The following OR52I2 variants were observed in gnomAD, a reference collection of about 807,000 sequenced individuals.
OR52I2 encodes olfactory receptor 52I2.
For missense variants in OR52I2, 350 were observed against 402.4 expected, an observed-to-expected ratio of 0.87 and a Z score of 1.11; for synonymous variants, 147 against 151.9, an observed-to-expected ratio of 0.97 and a Z score of 0.24.
exon 2 of OR52I2, chr11:4,589,645 G>C (rs180836518): frequency 6.6e-6 from 1 of 152,264 alleles, no homozygotes; most frequent in African/African-American, 2.4e-5. Flanking sequence ...TGAAAGCAGA[G>C]AGGAAGGGGT....
At chr11:4,590,405 A>G (rs974330872) in exon 2 of OR52I2, 1 of 152,224 alleles carries the variant, frequency 6.6e-6, no homozygotes, top group Admixed American at 6.5e-5. Flanking sequence ...ATTTGTAGAA[A>G]GAAACAACTA....
chr11:4,593,032 T>G (rs1007632046), exon 2 of OR52I2: 1 of 152,226 alleles, frequency 6.6e-6, no homozygotes, highest in Non-Finnish European at 1.5e-5. Flanking sequence ...ACAAACTGTG[T>G]TGTATGGAAT....
At chr11:4,582,780 C>A (rs74633842) in intron 1 of OR52I2, among the ~76,000 whole-genome samples, 1 of 151,958 alleles carries the variant, frequency 6.6e-6, no homozygotes, top group Non-Finnish European at 1.5e-5. Flanking sequence ...CAGATCTGCA[C>A]GTGAATGTTT....
At chr11:4,587,135 T>C in exon 2 of OR52I2, 2 of 1,614,184 alleles carry the variant, frequency 1.2e-6, no homozygotes, top group Non-Finnish European at 1.7e-6. Flanking sequence ...TCCTCGGTGG[T>C]ACCCAAGATG....
chr11:4,590,144 T>C (rs1313935042), exon 2 of OR52I2: 1 of 152,210 alleles, frequency 6.6e-6, no homozygotes, highest in Non-Finnish European at 1.5e-5. Flanking sequence ...CCTATGTAGG[T>C]GTGTTCATGT....
At chr11:4,589,275 G>GA in exon 2 of OR52I2, 1 of 152,370 alleles carries the variant, frequency 6.6e-6, no homozygotes, top group South Asian at 2.1e-4. Context: ...GAAGTCTTTG[G>GA]AAAGGACAAT....
chr11:4,587,638 G>C, exon 2 of OR52I2: 1 of 1,614,104 alleles, frequency 6.2e-7, no homozygotes, highest in Non-Finnish European at 8.5e-7. Flanking sequence ...CTCCCATGTG[G>C]GGGTTATGGC....
At chr11:4,581,963 A>G (rs1481502013) in intron 1 of OR52I2, 99 bp downstream of exon 1, 1 of 152,264 alleles carries the variant, frequency 6.6e-6, no homozygotes, top group Non-Finnish European at 1.5e-5. Context: ...AATGAAAGTT[A>G]TAAGGCCTCA....
At chr11:4,586,528 A>G (rs1032202575) in intron 1 of OR52I2, among the ~76,000 whole-genome samples, 2 of 152,214 alleles carry the variant, frequency 1.3e-5, no homozygotes, top group Non-Finnish European at 2.9e-5. Flanking sequence ...TGCACACAAT[A>G]AAGTCTAGGG....
Position 4,587,647 on chromosome 11 carries a change from G to A in OR52I2, c.757G>A (p.Ala253Thr), listed in dbSNP as rs776138086. ...ATGTGGCTCCCATGTGGGGGTTATG[G>A]CTTTGTACTATCTACCTGGGATGGC... Residue 253 changes from alanine (A) to threonine (T), a missense_variant, in exon 2 of 2, where the codon GCT becomes ACT. Transcript: ENST00000641896. The A allele has an allele frequency of 5.6e-5, 90 of 1,614,130 alleles. 1 individual carries two copies. The South Asian group carries it at 8.1e-4, about 15-fold the overall frequency.
At chr11:4,587,573 C>T in exon 2 of OR52I2, 1 of 1,614,070 alleles carries the variant, frequency 6.2e-7, no homozygotes, top group South Asian at 1.1e-5. Context: ...ATTCTCAAGG[C>T]AGTATTTGGT....
rs1202562393 is a variant in OR52I2, at chr11:4,586,063, T to C, written c.-19-809T>C. On this transcript the variant is annotated intron_variant, in intron 1 of 1. Transcript: ENST00000641896. ...TGGGTAAAGTTCATCTATAAGGTAG[T>C]CCCAAGGTTTTCTTTGTAGTATTTT... Among the ~76,000 whole-genome samples the C allele has an allele frequency of 4.6e-5, 7 of 152,334 alleles. No homozygotes were observed. In the East Asian group the frequency reaches 9.6e-4, roughly 21 times the overall value.
At chr11:4,586,764 C>A in intron 1 of OR52I2, 108 bp from the exon 2 acceptor site, 1 of 1,523,282 alleles carries the variant, frequency 6.6e-7, no homozygotes, top group Non-Finnish European at 9.0e-7. Context: ...ATTTTTGATC[C>A]TGAGATTACC....
At chr11:4,592,725 C>T (rs1424557242) in exon 2 of OR52I2, 1 of 152,090 alleles carries the variant, frequency 6.6e-6, no homozygotes, top group Non-Finnish European at 1.5e-5. Context: ...CAGGTTTCCC[C>T]ACTTAGATTG....
exon 2 of OR52I2, chr11:4,589,123 C>T (rs1846331616): frequency 6.6e-6 from 1 of 152,182 alleles, no homozygotes; most frequent in African/African-American, 2.4e-5. Flanking sequence ...ATCTGGAAAT[C>T]CCCAGGGGCC....
chr11:4,581,746 A>C (rs2133183862), exon 1 of OR52I2: 1 of 152,282 alleles, frequency 6.6e-6, no homozygotes, highest in African/African-American at 2.4e-5. Flanking sequence ...ATTTTGTGTC[A>C]TTTTTTCCTG....
exon 2 of OR52I2, chr11:4,592,381 C>A (rs1046941011): frequency 5.9e-5 from 9 of 152,048 alleles, no homozygotes; most frequent in African/African-American, 2.2e-4. Flanking sequence ...ATGCTTTTTG[C>A]CACTTTGCTA....
intron 1 of OR52I2, among the ~76,000 whole-genome samples, chr11:4,583,094 A>G (rs370210685): frequency 1.3e-5 from 2 of 152,194 alleles, no homozygotes; most frequent in South Asian, 4.1e-4. Context: ...CTGGCAACAG[A>G]TCCTTGATGG....
exon 2 of OR52I2, chr11:4,588,499 C>G (rs193293834): frequency 1.1e-3 from 176 of 153,198 alleles, no homozygotes; most frequent in Admixed American, 4.3e-3. Context: ...AGTCCCCTGA[C>G]TCTACTGCCT....
Sources: allele counts gnomAD v4.1 joint callset (sites outside exome capture counted in the v4.1 genomes callset), GRCh38; gene constraint gnomAD v4.1.1; transcripts MANE v1.5; gene names NCBI Gene and HGNC (gene_info 2026-07-23, HGNC 2026-07-21).